UNC13A: variants seen among roughly 807,000 people sequenced by gnomAD.
UNC13A encodes the protein protein unc-13 homolog A.
UNC13A carries 61 observed loss-of-function variants against 219.7 expected under a neutral mutation model. That is an observed-to-expected ratio of 0.28 (90% CI 0.23 to 0.34). UNC13A has a LOEUF of 0.34. UNC13A is among the 10% of genes least tolerant of loss of function. The pLI, the probability that UNC13A is intolerant of heterozygous loss-of-function variation, is 1.00. For synonymous variants in UNC13A, 920 were observed against 884.6 expected, an observed-to-expected ratio of 1.04 and a Z score of -0.71; for missense variants, 1,476 against 2,270.3, an observed-to-expected ratio of 0.65 and a Z score of 7.11.
intron 7 of UNC13A, among the ~76,000 whole-genome samples, chr19:17,665,446 G>A (rs777989249): frequency 1.7e-4 from 26 of 152,168 alleles, no homozygotes; most frequent in Non-Finnish European, 3.1e-4. Flanking sequence ...AAAAAATCTT[G>A]ACAACTGCAG....
At chr19:17,636,231 A>G in intron 25 of UNC13A, 74 bp from the exon 26 acceptor site, 4 of 1,476,350 alleles carry the variant, frequency 2.7e-6, no homozygotes, top group South Asian at 1.3e-5. Context: ...TTACTGAAGA[A>G]CAAGAGGTTT....
At chr19:17,613,240 AAGAG>A (rs1370771838) in intron 41 of UNC13A, among the ~76,000 whole-genome samples, 1 of 151,724 alleles carries the variant, frequency 6.6e-6, no homozygotes, top group Non-Finnish European at 1.5e-5. Flanking sequence ...TCAAAAAAAA[AAGAG>A]AGAGAAAAGA....
Position 17,669,547 on chromosome 19 carries a change from A to G in UNC13A, c.394+6T>C, listed in dbSNP as rs909829686. 5.6e-6 allele frequency: 9 copies of G among 1,612,988 alleles called. No individual in the cohort carries two copies. The highest frequency in any genetic ancestry group is 6.8e-6 in the Non-Finnish European group (8 of 1,179,430). ...CTGGGTGAAGGTCCCGGGCCCCTGTACTCACCTAAGGGTAGCTCAAAGCGC... is the reference window on the plus strand; with the variant it reads ...CTGGGTGAAGGTCCCGGGCCCCTGTGCTCACCTAAGGGTAGCTCAAAGCGC... On this transcript the variant is annotated splice_donor_region_variant and intron_variant, in intron 5 of 43. Transcript: ENST00000519716.
chr19:17,660,284 T>G (rs1354957580), intron 8 of UNC13A, among the ~76,000 whole-genome samples: 2 of 82,662 alleles, frequency 2.4e-5, no homozygotes, highest in African/African-American at 2.0e-4. Flanking sequence ...TTTACCCAGT[T>G]TTTTTTTTTC....
chr19:17,644,273 C>T (rs938955692), intron 19 of UNC13A, among the ~76,000 whole-genome samples: 1 of 151,482 alleles, frequency 6.6e-6, no homozygotes, highest in Non-Finnish European at 1.5e-5. Context: ...ACTGCAGCTT[C>T]AACCTCCCAG....
At chr19:17,652,358 C>G (rs1378211876) in intron 12 of UNC13A, among the ~76,000 whole-genome samples, 1 of 152,182 alleles carries the variant, frequency 6.6e-6, no homozygotes, top group Non-Finnish European at 1.5e-5. Context: ...TTTCGAACTC[C>G]TGACCTCAAA....
chr19:17,651,234 G>A (rs993030780), intron 12 of UNC13A, among the ~76,000 whole-genome samples: 1 of 141,914 alleles, frequency 7.0e-6, no homozygotes, highest in Non-Finnish European at 1.5e-5. Flanking sequence ...CACTGCACCC[G>A]GCCCACACAT....
Position 17,688,247 on chromosome 19 carries a change from G to C in UNC13A, c.-48C>G. The C allele has an allele frequency of 1.4e-6, 2 of 1,442,346 alleles. No individual in the cohort carries two copies. Among genetic ancestry groups the C allele is most frequent in the Non-Finnish European group, 1.8e-6 (2 of 1,097,476 alleles). The allele number at this position is 1,442,346 out of a possible 1,614,324, so 89.3% of individuals were successfully genotyped here. The stretch of plus-strand genomic sequence containing the variant: ...CGGAGGCGGCCGGGCCGGCTCTGTC[G>C]GGTCGGGCTCAGCGGCCGCTGGGCT... On this transcript the variant is annotated 5_prime_UTR_variant, in exon 1 of 44. Transcript: ENST00000519716.
chr19:17,626,133 C>T (rs1167935632), intron 34 of UNC13A, among the ~76,000 whole-genome samples: 1 of 150,918 alleles, frequency 6.6e-6, no homozygotes, highest in Non-Finnish European at 1.5e-5. Context: ...AAATATTTAT[C>T]CACATATCCA....
Position 17,649,106 on chromosome 19 carries a change from CAG to C in UNC13A, c.1525-125_1525-124del. On this transcript the variant is annotated intron_variant, in intron 14 of 43. Coordinates refer to ENST00000519716, the MANE Select transcript of UNC13A (RefSeq NM_001080421.3). The surrounding 1 kb of genome is among the most constrained non-coding windows in gnomAD (Gnocchi z 4.4). The stretch of plus-strand genomic sequence containing the variant: ...TGGAGCCACAACCGCAAGTTGGAAA[CAG>C]GTCACCGACAGCATCCGGGCCAGAC... The C allele has an allele frequency of 8.1e-7, 1 of 1,232,466 alleles. No homozygotes were observed. Among genetic ancestry groups the C allele is most frequent in the Non-Finnish European group, 1.1e-6 (1 of 881,214 alleles). The allele number at this position is 1,232,466 out of a possible 1,614,324, so 76.3% of individuals were successfully genotyped here. A position where few individuals can be genotyped will look rare whatever the true frequency, so the allele number is the denominator to read the frequency against.
chr19:17,637,459 G>A (rs1450165903), intron 25 of UNC13A, among the ~76,000 whole-genome samples: 6 of 151,884 alleles, frequency 4.0e-5, no homozygotes, highest in Non-Finnish European at 7.4e-5. Flanking sequence ...CACCACGCCC[G>A]GCTAATTTTT....
intron 7 of UNC13A, among the ~76,000 whole-genome samples, chr19:17,666,131 T>TCTTTTC (rs1568267638): frequency 1.1e-3 from 128 of 118,896 alleles, no homozygotes; most frequent in African/African-American, 3.9e-3. Context: ...CTTTTCTTTC[T>TCTTTTC]TTTTCTTTCT....
At position 17,639,973 on chromosome 19, in the gene UNC13A, G is replaced by A. The variant is rs994379412; in HGVS notation, c.2788-65C>T. 20 of 1,513,030 alleles carry A rather than the reference G, an allele frequency of 1.3e-5. No homozygotes were observed. In the African/African-American group the frequency reaches 1.8e-4, roughly 14 times the overall value. The allele number at this position is 1,513,030 out of a possible 1,614,324, so 93.7% of individuals were successfully genotyped here. ...GACATGGCCGCCATAGTGGCTGAGC[G>A]CCTACTGTACAGTAAGTATACCTCA... On this transcript the variant is annotated intron_variant, in intron 22 of 43. Coordinates refer to ENST00000519716, the MANE Select transcript of UNC13A (RefSeq NM_001080421.3).
intron 6 of UNC13A, among the ~76,000 whole-genome samples, chr19:17,666,969 A>C (rs12984397): frequency 0.3 from 45,405 of 151,790 alleles, 7,955 homozygotes; most frequent in South Asian, 0.48. Context: ...AAAAAAGACT[A>C]GGGGCCAGGT....
intron 16 of UNC13A, 85 bp from the exon 17 acceptor site, chr19:17,647,577 C>G: frequency 2.2e-6 from 3 of 1,350,390 alleles, no homozygotes; most frequent in Non-Finnish European, 3.1e-6. Context: ...CCCTACTCAT[C>G]AACCGGGGGG....
intron 11 of UNC13A, among the ~76,000 whole-genome samples, chr19:17,654,221 A>G (rs2079408269): frequency 6.6e-6 from 1 of 152,038 alleles, no homozygotes; most frequent in Non-Finnish European, 1.5e-5. Flanking sequence ...AGAGCCTTCC[A>G]TGTGTCTTTT....
chr19:17,661,085 C>T lies in UNC13A; in HGVS notation c.559+2447G>A, dbSNP rs192317330. Among the ~76,000 whole-genome samples the T allele has an allele frequency of 6.8e-5, 10 of 147,670 alleles. No homozygotes were observed. The East Asian group carries it at 1.6e-3, about 23-fold the overall frequency. Reference sequence around the variant, plus strand: ...TCCCAAATAGCTGGGACTACAGGGGCGTGCCACCACACCCGGCCCTTTTTT... The same window carrying T: ...TCCCAAATAGCTGGGACTACAGGGGTGTGCCACCACACCCGGCCCTTTTTT... On this transcript the variant is annotated intron_variant, in intron 8 of 43. Transcript: ENST00000519716.
chr19:17,661,415 C>T (rs142040469), intron 8 of UNC13A, among the ~76,000 whole-genome samples: 61 of 152,082 alleles, frequency 4.0e-4, no homozygotes, highest in Non-Finnish European at 7.5e-4. Context: ...GAGGACTGGC[C>T]AGGCATGGTA....
In UNC13A at chr19:17,649,364, C is replaced by G. The variant is rs375305518; in HGVS notation, c.1519-20G>C. 60 of 1,604,372 alleles carry G rather than the reference C, an allele frequency of 3.7e-5. No individual in the cohort carries two copies. Among genetic ancestry groups the G allele is most frequent in the Non-Finnish European group, 4.8e-5 (57 of 1,177,226 alleles). ...CATGGCCTGAAGTGTCCACGCAGCA[C>G]ATGGGGGTAGAAATCAGACTACATT... On this transcript the variant is annotated intron_variant, in intron 13 of 43. Coordinates refer to ENST00000519716, the MANE Select transcript of UNC13A (RefSeq NM_001080421.3). The surrounding 1 kb of genome is among the most constrained non-coding windows in gnomAD (Gnocchi z 4.4).
Sources: gnomAD v4.1 joint callset for allele counts (sites outside exome capture counted in the v4.1 genomes callset) on GRCh38, gnomAD v4.1.1 for gene constraint, Gnocchi (gnomAD v3.1) non-coding constraint, MANE v1.5 for transcripts, NCBI Gene and HGNC (gene_info 2026-07-23, HGNC 2026-07-21) for gene names.